ELMOD3: variants seen among roughly 807,000 people sequenced by gnomAD.
The protein encoded by ELMOD3 is ELMO domain containing 3.
In ELMOD3, 36 loss-of-function variants were observed where a neutral mutation model predicts 47.4. The ratio of observed to expected loss-of-function variants is 0.76; its 90% confidence interval spans 0.58 to 1.00. The LOEUF (loss-of-function observed/expected upper bound fraction) is 1.00. ELMOD3 is among the 50% of genes least tolerant of loss of function. The pLI, the probability that ELMOD3 is intolerant of heterozygous loss-of-function variation, is 0.00. For synonymous variants in ELMOD3, 149 were observed against 183.5 expected, an observed-to-expected ratio of 0.81 and a Z score of 1.52; for missense variants, 404 against 463.8, an observed-to-expected ratio of 0.87 and a Z score of 1.18.
chr2:85,364,821 A>ATTTTTTTTTTT (rs1398237706), intron 6 of ELMOD3, among the ~76,000 whole-genome samples: 2 of 89,220 alleles, frequency 2.2e-5, no homozygotes, highest in African/African-American at 5.6e-5. Context: ...ATATATATAT[A>ATTTTTTTTTTT]TATATTTTTT....
Position 85,373,439 on chromosome 2 carries a change from A to T in ELMOD3, c.607+1877A>T, listed in dbSNP as rs181491909. Among the ~76,000 whole-genome samples, 230 of 140,892 alleles carry T rather than the reference A, an allele frequency of 1.6e-3. 3 individuals are homozygous for T. The highest frequency in any genetic ancestry group is 1.3e-3 in the Non-Finnish European group (82 of 63,986). The allele number at this position is 140,892 out of a possible 152,430, so 92.4% of individuals were successfully genotyped here. A position where few individuals can be genotyped will look rare whatever the true frequency, so the allele number is the denominator to read the frequency against. ...AAGATTTTTGTTTCAATCAACAAACATAATTTTTTTGAGGAGGGGTTCTCA... is the reference window on the plus strand; with the variant it reads ...AAGATTTTTGTTTCAATCAACAAACTTAATTTTTTTGAGGAGGGGTTCTCA... On this transcript the variant is annotated intron_variant, in intron 10 of 13. Transcript: ENST00000409013.
intron 10 of ELMOD3, among the ~76,000 whole-genome samples, chr2:85,374,882 G>A (rs1373823091): frequency 8.5e-5 from 13 of 152,160 alleles, no homozygotes; most frequent in African/African-American, 1.7e-4. Context: ...AGGCCAAGGC[G>A]GGTGGACTAC....
At chr2:85,359,611 G>A (rs1039441073) in intron 4 of ELMOD3, among the ~76,000 whole-genome samples, 4 of 151,888 alleles carry the variant, frequency 2.6e-5, no homozygotes, top group Non-Finnish European at 4.4e-5. Flanking sequence ...TGTATTTTTA[G>A]TAGAAACAGG....
chr2:85,369,546 C>T (rs1444297182), intron 7 of ELMOD3, among the ~76,000 whole-genome samples, 193 bp from the exon 8 acceptor site: 3 of 152,184 alleles, frequency 2.0e-5, no homozygotes, highest in African/African-American at 7.2e-5. Flanking sequence ...GACTGAATAG[C>T]CTCGTCCAAA....
chr2:85,375,705 A>G (rs1685127405), intron 10 of ELMOD3, among the ~76,000 whole-genome samples: 1 of 152,230 alleles, frequency 6.6e-6, no homozygotes, highest in African/African-American at 2.4e-5. Flanking sequence ...AAAACAACAC[A>G]AATTATTGTC....
At chr2:85,361,192 G>A (rs977558687) in intron 4 of ELMOD3, among the ~76,000 whole-genome samples, 10 of 143,122 alleles carry the variant, frequency 7.0e-5, no homozygotes, top group African/African-American at 2.6e-4. Context: ...ACAATTGGCC[G>A]AGTATTTTGG....
chr2:85,386,114 G>C (rs1446347888), intron 11 of ELMOD3, among the ~76,000 whole-genome samples: 1 of 152,140 alleles, frequency 6.6e-6, no homozygotes, highest in African/African-American at 2.4e-5. Context: ...CAGGGTTGGG[G>C]CCAGGTCAGC....
intron 8 of ELMOD3, 137 bp from the exon 9 acceptor site, chr2:85,370,948 CT>C: frequency 1.0e-6 from 1 of 992,236 alleles, no homozygotes; most frequent in Admixed American, 2.2e-5. Flanking sequence ...CTTCTGCCTC[CT>C]TCCCTTGGCC....
chr2:85,388,438 T>C (rs1686086768), intron 11 of ELMOD3, among the ~76,000 whole-genome samples: 1 of 152,196 alleles, frequency 6.6e-6, no homozygotes, highest in South Asian at 2.1e-4. Flanking sequence ...TGTGTTAACT[T>C]TTTTCTGCAC....
chr2:85,368,813 A>G (rs1290647330), intron 7 of ELMOD3, 59 bp downstream of exon 7: 1 of 1,567,434 alleles, frequency 6.4e-7, no homozygotes, highest in Non-Finnish European at 8.8e-7. Context: ...GGCACCATCC[A>G]CACATGTGGC....
intron 11 of ELMOD3, among the ~76,000 whole-genome samples, chr2:85,388,627 C>G (rs76903023): frequency 0.037 from 5,635 of 152,224 alleles, 161 homozygotes; most frequent in Non-Finnish European, 0.06. Flanking sequence ...TTCTGCAGTT[C>G]AGCACTGTCC....
intron 11 of ELMOD3, among the ~76,000 whole-genome samples, chr2:85,379,029 T>TAGGC (rs1448479079): frequency 2.6e-5 from 4 of 152,184 alleles, no homozygotes; most frequent in South Asian, 2.1e-4. Flanking sequence ...TATACATCAG[T>TAGGC]AGGCAGGTAT....
At chr2:85,382,588 T>C (rs1393822956) in intron 11 of ELMOD3, among the ~76,000 whole-genome samples, 1 of 149,686 alleles carries the variant, frequency 6.7e-6, no homozygotes, top group Non-Finnish European at 1.5e-5. Flanking sequence ...CAATCTTGGC[T>C]CACTGCAACC....
chr2:85,373,670 C>G (rs923552654), intron 10 of ELMOD3, among the ~76,000 whole-genome samples: 6 of 151,912 alleles, frequency 3.9e-5, no homozygotes, highest in African/African-American at 1.5e-4. Flanking sequence ...GAAACCCTGT[C>G]TGTACTAAAA....
intron 11 of ELMOD3, chr2:85,387,266 G>A (rs539563146): frequency 5.3e-6 from 6 of 1,138,174 alleles, no homozygotes; most frequent in African/African-American, 1.6e-5. Flanking sequence ...TACCTACTTG[G>A]GCCAGGTGTT....
intron 8 of ELMOD3, 138 bp from the exon 9 acceptor site, chr2:85,370,948 C>G (rs1232789159): frequency 7.1e-6 from 7 of 992,120 alleles, no homozygotes; most frequent in Non-Finnish European, 1.1e-5. Context: ...CTTCTGCCTC[C>G]TTCCCTTGGC....
At chr2:85,390,102 C>T in intron 12 of ELMOD3, 36 bp from the exon 13 acceptor site, 1 of 1,577,042 alleles carries the variant, frequency 6.3e-7, no homozygotes, top group Non-Finnish European at 8.7e-7. Flanking sequence ...AGCCTTCATC[C>T]ACCGCTGAGC....
At chr2:85,387,313 C>G (rs1685999362) in intron 11 of ELMOD3, 1 of 835,856 alleles carries the variant, frequency 1.2e-6, no homozygotes, top group African/African-American at 1.9e-5. Flanking sequence ...TTAAGTAATG[C>G]TCACAGCAAC....
intron 11 of ELMOD3, among the ~76,000 whole-genome samples, chr2:85,384,426 C>T (rs1194371537): frequency 6.6e-6 from 1 of 152,178 alleles, no homozygotes; most frequent in African/African-American, 2.4e-5. Flanking sequence ...GAGTTAGCCT[C>T]CACGGGCCCA....
Sources: gnomAD v4.1 joint callset for allele counts (sites outside exome capture counted in the v4.1 genomes callset) on GRCh38, gnomAD v4.1.1 for gene constraint, MANE v1.5 for transcripts, NCBI Gene and HGNC (gene_info 2026-07-23, HGNC 2026-07-21) for gene names.